Variants in CCDC7 observed in about 807,000 individuals in gnomAD.
CCDC7 encodes the protein coiled-coil domain-containing protein 7.
CCDC7 carries 183 observed loss-of-function variants against 196.9 expected under a neutral mutation model. That is an observed-to-expected ratio of 0.93 (90% confidence interval 0.82 to 1.05). CCDC7 has a LOEUF of 1.05. Among genes scored for constraint, CCDC7 ranks in the 50% least tolerant of loss-of-function variants. The probability of loss-of-function intolerance (pLI) is 0.00; values close to 1 mark genes in which losing one functional copy is unlikely to be tolerated. For synonymous variants in CCDC7, 525 were observed against 484.6 expected (o/e 1.08, Z -1.10); for missense variants, 1,540 against 1,482.2 (o/e 1.04, Z -0.64).
intron 20 of CCDC7, among the ~76,000 whole-genome samples, chr10:32,659,409 C>T (rs2070740279): frequency 6.6e-6 from 1 of 152,158 alleles, no homozygotes; most frequent in African/African-American, 2.4e-5. Context: ...GATATGATTT[C>T]AGCCTTCTAA....
intron 41 of CCDC7, among the ~76,000 whole-genome samples, chr10:32,873,816 A>G (rs1248775105): frequency 1.3e-5 from 2 of 151,990 alleles, no homozygotes; most frequent in Non-Finnish European, 2.9e-5. Context: ...TACTTTTTAA[A>G]GTGGCTGTAC....
chr10:32,760,599 G>C (rs1040356151), intron 28 of CCDC7, among the ~76,000 whole-genome samples: 1 of 152,076 alleles, frequency 6.6e-6, no homozygotes, highest in African/African-American at 2.4e-5. Flanking sequence ...CTGTTGTGGG[G>C]TGGGAGGATG....
chr10:32,793,703 A>T (rs2083083549), intron 29 of CCDC7, among the ~76,000 whole-genome samples: 1 of 152,136 alleles, frequency 6.6e-6, no homozygotes, highest in Admixed American at 6.5e-5. Context: ...TTTAATTTCC[A>T]TGTGTTAATA....
chr10:32,592,711 C>A (rs1226649271), intron 18 of CCDC7, among the ~76,000 whole-genome samples: 7 of 152,096 alleles, frequency 4.6e-5, no homozygotes, highest in Admixed American at 4.6e-4. Flanking sequence ...CCCCACACCC[C>A]CCGACAAGCC....
chr10:32,789,931 A>G (rs1366572421), intron 29 of CCDC7, among the ~76,000 whole-genome samples: 1 of 152,234 alleles, frequency 6.6e-6, no homozygotes, highest in African/African-American at 2.4e-5. Context: ...AAATACAACA[A>G]GGAAAGCAAC....
chr10:32,689,165 T>A lies in CCDC7; in HGVS notation c.2344+2T>A. On this transcript the variant is annotated splice_donor_variant, in intron 23 of 41. Coordinates refer to ENST00000639629, the Ensembl canonical transcript of CCDC7. LOFTEE classifies it high-confidence loss of function. Reference sequence around the variant, plus strand: ...CTCTCAAAGGGCAAAGAATTATTAGTAAGTATAAAAAGTAAAGATAACTTT... The same window carrying A: ...CTCTCAAAGGGCAAAGAATTATTAGAAAGTATAAAAAGTAAAGATAACTTT... 1 of 1,520,716 alleles carries A rather than the reference T, an allele frequency of 6.6e-7. No homozygotes were observed. The allele number at this position is 1,520,716 out of a possible 1,614,324, so 94.2% of individuals were successfully genotyped here.
intron 28 of CCDC7, among the ~76,000 whole-genome samples, chr10:32,747,307 GCAAAGATTTCAT>G (rs2074937948): frequency 1.3e-5 from 2 of 152,140 alleles, no homozygotes. Flanking sequence ...ACATGCCCTG[GCAAAGATTTCAT>G]AACAAAGACC....
intron 9 of CCDC7, among the ~76,000 whole-genome samples, chr10:32,515,949 A>G (rs1343949003): frequency 6.6e-6 from 1 of 152,118 alleles, no homozygotes; most frequent in African/African-American, 2.4e-5. Flanking sequence ...TCTTTGTGAC[A>G]TTGGGTTAGG....
intron 16 of CCDC7, among the ~76,000 whole-genome samples, chr10:32,574,796 T>C (rs2058004768): frequency 6.6e-6 from 1 of 152,204 alleles, no homozygotes; most frequent in Non-Finnish European, 1.5e-5. Flanking sequence ...TCATTAGGAC[T>C]TTCATTATTA....
intron 16 of CCDC7, among the ~76,000 whole-genome samples, chr10:32,579,156 A>G (rs899209163): frequency 1.3e-5 from 2 of 152,194 alleles, no homozygotes; most frequent in African/African-American, 4.8e-5. Context: ...GTGTAAGGAC[A>G]GAGACTGGAG....
chr10:32,542,776 A>T (rs760279656), intron 11 of CCDC7, among the ~76,000 whole-genome samples: 48 of 152,118 alleles, frequency 3.2e-4, no homozygotes, highest in Non-Finnish European at 5.3e-4. Context: ...ATAACTCACA[A>T]GTTGCAACCT....
chr10:32,764,437 T>C (rs199839395), intron 28 of CCDC7, among the ~76,000 whole-genome samples: 1 of 148,082 alleles, frequency 6.8e-6, no homozygotes, highest in East Asian at 2.0e-4. Flanking sequence ...AATTTATTGA[T>C]ATGGTATAAT....
intron 28 of CCDC7, among the ~76,000 whole-genome samples, chr10:32,773,551 C>T (rs947302284): frequency 2.0e-5 from 3 of 151,852 alleles, no homozygotes; most frequent in African/African-American, 4.8e-5. Flanking sequence ...GGTTAAATTT[C>T]TAATTTTGTT....
At chr10:32,764,806 G>T (rs1010830542) in intron 28 of CCDC7, among the ~76,000 whole-genome samples, 2 of 151,776 alleles carry the variant, frequency 1.3e-5, no homozygotes, top group African/African-American at 2.4e-5. Flanking sequence ...CTACTGAAAT[G>T]GGAACCTTAA....
intron 28 of CCDC7, among the ~76,000 whole-genome samples, chr10:32,756,282 A>G (rs1226164492): frequency 6.6e-6 from 1 of 152,198 alleles, no homozygotes; most frequent in Non-Finnish European, 1.5e-5. Flanking sequence ...CCTCGAGAAG[A>G]GCAACTCCAA....
chr10:32,674,228 T>C (rs1156870114), intron 21 of CCDC7, among the ~76,000 whole-genome samples: 2 of 151,972 alleles, frequency 1.3e-5, no homozygotes, highest in African/African-American at 4.8e-5. Flanking sequence ...TTATCAACTT[T>C]CCTTATGGTA....
chr10:32,560,632 G>A (rs1393782495), intron 13 of CCDC7, among the ~76,000 whole-genome samples: 1 of 151,356 alleles, frequency 6.6e-6, no homozygotes, highest in South Asian at 2.1e-4. Flanking sequence ...GAGAGATTTT[G>A]TCACCACCAG....
At chr10:32,612,878 T>TTTC (rs1486589292) in intron 18 of CCDC7, among the ~76,000 whole-genome samples, 78 of 146,354 alleles carry the variant, frequency 5.3e-4, no homozygotes, top group African/African-American at 1.6e-3. Context: ...GAAATTTTCT[T>TTTC]TGTTTTTTTT....
rs187500393 is a variant in CCDC7, at chr10:32,706,672, T to G, written c.2459-4948T>G. 2.9e-3 allele frequency among the ~76,000 whole-genome samples: 444 copies of G among 152,142 alleles called. 10 individuals carry two copies. The highest frequency in any genetic ancestry group is 5.1e-3 in the Non-Finnish European group (347 of 68,000). On this transcript the variant is annotated intron_variant, in intron 24 of 41. Transcript: ENST00000639629. The stretch of plus-strand genomic sequence containing the variant: ...TATCCCACAGAAATACAAACTACCA[T>G]CAGAGAATACTGTAAACACCTCTAC...
Sources: allele counts gnomAD v4.1 joint callset (sites outside exome capture counted in the v4.1 genomes callset), GRCh38; gene constraint gnomAD v4.1.1; transcripts MANE v1.5; gene names NCBI Gene and HGNC (gene_info 2026-07-23, HGNC 2026-07-21).